The following CASC3 variants were observed in gnomAD, a reference collection of about 807,000 sequenced individuals.
The protein encoded by CASC3 is protein CASC3.
CASC3 carries 30 observed loss-of-function variants against 80.5 expected under a neutral mutation model. That is an observed-to-expected ratio of 0.37 (90% CI 0.28 to 0.51). The LOEUF (loss-of-function observed/expected upper bound fraction) is 0.51, where lower values mean the gene tolerates loss of function less well. Ranked by LOEUF, CASC3 falls within the 20% of genes least tolerant of loss-of-function variation. The probability of loss-of-function intolerance (pLI) is 0.94; values close to 1 mark genes in which losing one functional copy is unlikely to be tolerated. For missense variants in CASC3, 824 were observed against 922.2 expected, an observed-to-expected ratio of 0.89 and a Z score of 1.38; for synonymous variants, 312 against 333.6, an observed-to-expected ratio of 0.94 and a Z score of 0.70.
Position 40,171,827 on chromosome 17 carries a change from A to G in CASC3, c.*1422A>G. The stretch of plus-strand genomic sequence containing the variant: ...ATTCCTTCCATCTAGCAGCTGGCCT[A>G]ATCACTCTGAGTCACAGGTGTGGGA... On this transcript the variant is annotated 3_prime_UTR_variant, in exon 14 of 14. Coordinates refer to ENST00000264645, the MANE Select transcript of CASC3 (RefSeq NM_007359.5). 1 of 1,181,888 alleles carries G rather than the reference A, an allele frequency of 8.5e-7. No homozygotes were observed. Among genetic ancestry groups the G allele is most frequent in the Non-Finnish European group, 1.1e-6 (1 of 938,396 alleles). The allele number at this position is 1,181,888 out of a possible 1,614,324, so 73.2% of individuals were successfully genotyped here. A position where few individuals can be genotyped will look rare whatever the true frequency, so the allele number is the denominator to read the frequency against.
chr17:40,144,033 C>T (rs960883078), intron 3 of CASC3, among the ~76,000 whole-genome samples: 1 of 151,906 alleles, frequency 6.6e-6, no homozygotes, highest in South Asian at 2.1e-4. Flanking sequence ...GGGTGAATCA[C>T]CTGCGGTCAG....
chr17:40,147,182 C>T (rs1225439860), intron 3 of CASC3, among the ~76,000 whole-genome samples: 4 of 152,120 alleles, frequency 2.6e-5, no homozygotes, highest in Non-Finnish European at 2.9e-5. Flanking sequence ...AGACTAGAGG[C>T]AGAAGAGCTG....
At chr17:40,167,200 C>G in intron 8 of CASC3, 1 of 508,620 alleles carries the variant, frequency 2.0e-6, no homozygotes, top group South Asian at 2.5e-5. Context: ...ACCTCATGAT[C>G]CACCCACCCT....
At chr17:40,155,601 T>C (rs1374447454) in intron 3 of CASC3, among the ~76,000 whole-genome samples, 1 of 152,024 alleles carries the variant, frequency 6.6e-6, no homozygotes, top group Non-Finnish European at 1.5e-5. Flanking sequence ...GGAGCCGGGG[T>C]TTATTAAAAT....
intron 3 of CASC3, among the ~76,000 whole-genome samples, chr17:40,147,503 C>A (rs977129628): frequency 4.0e-5 from 6 of 151,816 alleles, no homozygotes; most frequent in Non-Finnish European, 8.8e-5. Flanking sequence ...AAAAATTATC[C>A]GGTCTTGGTG....
In CASC3 at chr17:40,163,429, G is replaced by C. The variant is rs552905234; in HGVS notation, c.786-52G>C. 4 of 1,513,626 alleles carry C rather than the reference G, an allele frequency of 2.6e-6. No individual in the cohort carries two copies. In the South Asian group the frequency reaches 5.0e-5, roughly 19 times the overall value. 93.8% of individuals were successfully genotyped at this position (1,513,626 alleles called of 1,614,324 possible). On this transcript the variant is annotated intron_variant, in intron 6 of 13. Transcript: ENST00000264645. ...GGATTACAGGCCTGAGCCACCGCGC[G>C]TAGCCTCCTTTTGTTAATTTCCTAA... is the stretch of plus-strand genomic sequence containing the variant.
intron 3 of CASC3, among the ~76,000 whole-genome samples, chr17:40,152,121 A>G (rs1010969853): frequency 1.3e-5 from 2 of 152,284 alleles, no homozygotes; most frequent in South Asian, 4.1e-4. Flanking sequence ...TTTCAAGTTT[A>G]CAATATGTTA....
At chr17:40,155,681 A>G (rs1989129759) in intron 3 of CASC3, among the ~76,000 whole-genome samples, 2 of 152,250 alleles carry the variant, frequency 1.3e-5, no homozygotes, top group Admixed American at 1.3e-4. Context: ...TTAGTCTGAA[A>G]TATGTGGGAA....
At chr17:40,167,986 T>C in intron 10 of CASC3, 38 bp downstream of exon 10, 1 of 1,568,378 alleles carries the variant, frequency 6.4e-7, no homozygotes. Context: ...TTCCAGTACC[T>C]GAGGATATAT....
intron 8 of CASC3, chr17:40,167,191 C>T (rs1989471240): frequency 2.0e-6 from 1 of 507,472 alleles, no homozygotes; most frequent in Middle Eastern, 5.1e-4. Context: ...TGACTCCTGA[C>T]CTCATGATCC....
chr17:40,143,758 A>G (rs2145151150), intron 3 of CASC3, among the ~76,000 whole-genome samples: 1 of 152,026 alleles, frequency 6.6e-6, no homozygotes, highest in African/African-American at 2.4e-5. Flanking sequence ...TGAATCCGGG[A>G]GGCAGAGGTT....
At chr17:40,167,254 C>T (rs1300321247) in intron 8 of CASC3, 22 of 548,568 alleles carry the variant, frequency 4.0e-5, no homozygotes, top group South Asian at 1.1e-4. Flanking sequence ...CCACCACGCC[C>T]GGCCAAGATA....
At position 40,166,786 on chromosome 17, in the gene CASC3, G is replaced by A. The variant is rs779495613; in HGVS notation, c.1472-11G>A. 2.1e-5 allele frequency: 34 copies of A among 1,584,052 alleles called. No homozygotes were observed. Among genetic ancestry groups the A allele is most frequent in the Non-Finnish European group, 2.8e-5 (33 of 1,169,832 alleles). Reference sequence around the variant, plus strand: ...CTGATCTGCAGAAGTGACTTTTTTGGTGTATTACAGGTATGCCCAACCATA... The same window carrying A: ...CTGATCTGCAGAAGTGACTTTTTTGATGTATTACAGGTATGCCCAACCATA... On this transcript the variant is annotated splice_polypyrimidine_tract_variant and intron_variant, in intron 7 of 13. Coordinates refer to ENST00000264645, the MANE Select transcript of CASC3 (RefSeq NM_007359.5).
chr17:40,154,803 A>G (rs1989105057), intron 3 of CASC3, among the ~76,000 whole-genome samples: 1 of 152,164 alleles, frequency 6.6e-6, no homozygotes, highest in African/African-American at 2.4e-5. Flanking sequence ...TTTTCTTCTA[A>G]GAGTTTTATA....
chr17:40,169,328 C>T lies in CASC3; in HGVS notation c.1970C>T (p.Pro657Leu). 4 of 1,590,884 alleles carry T rather than the reference C, an allele frequency of 2.5e-6. 1 individual carries two copies. In the Admixed American group the frequency reaches 5.5e-5, roughly 22 times the overall value. Reference protein sequence around the residue: ...PPHLYPNTQAPSQVYGGVTYY... With the variant: ...PPHLYPNTQALSQVYGGVTYY... ...TCCTGGCTTGTGGGGTCCCAGGCCCCATCACAGGTATATGGAGGAGTGACC... is the reference window on the plus strand; with the variant it reads ...TCCTGGCTTGTGGGGTCCCAGGCCCTATCACAGGTATATGGAGGAGTGACC... Residue 657 changes from proline to leucine, a missense_variant, in exon 12 of 14, where the codon CCA becomes CTA. Pro to Leu is a moderately conservative substitution (Grantham distance 98). Coordinates refer to ENST00000264645, the MANE Select transcript of CASC3 (RefSeq NM_007359.5).
intron 11 of CASC3, chr17:40,168,621 T>C: frequency 1.8e-6 from 1 of 555,402 alleles, no homozygotes; most frequent in African/African-American, 1.9e-5. Context: ...TCAGTTTTTT[T>C]CTCCGTTGCC....
At chr17:40,150,030 G>A (rs542361777) in intron 3 of CASC3, among the ~76,000 whole-genome samples, 1 of 152,318 alleles carries the variant, frequency 6.6e-6, no homozygotes, top group South Asian at 2.1e-4. Flanking sequence ...TAATTACAAA[G>A]AAGTGGGAAG....
chr17:40,165,826 C>T (rs1406106290), intron 7 of CASC3, among the ~76,000 whole-genome samples: 10 of 148,754 alleles, frequency 6.7e-5, no homozygotes, highest in Non-Finnish European at 1.2e-4. Context: ...AGTGCAGTAG[C>T]GTGACCTTGG....
chr17:40,154,161 G>A (rs1989085842), intron 3 of CASC3, among the ~76,000 whole-genome samples: 1 of 133,504 alleles, frequency 7.5e-6, no homozygotes, highest in South Asian at 2.5e-4. Flanking sequence ...CTTCCTTGAA[G>A]AAATGACTAT....
Sources: gnomAD v4.1 joint callset for allele counts (sites outside exome capture counted in the v4.1 genomes callset) on GRCh38, gnomAD v4.1.1 for gene constraint, MANE v1.5 for transcripts, NCBI Gene and HGNC (gene_info 2026-07-23, HGNC 2026-07-21) for gene names.